SLC25A16: variants seen among roughly 807,000 people sequenced by gnomAD.
SLC25A16 encodes the protein solute carrier family 25 member 16, also known as mitochondrial coenzyme A transporter SLC25A16.
Under a neutral mutation model 41.5 loss-of-function variants are expected in SLC25A16, and 39 were observed. That is an observed-to-expected ratio of 0.94 (90% CI 0.73 to 1.23). The LOEUF is 1.23. Ranked by LOEUF, SLC25A16 falls within the 50% of genes most tolerant of loss-of-function variation. SLC25A16 has a pLI of 0.00. For synonymous variants in SLC25A16, 146 were observed against 147.8 expected (o/e 0.99, Z 0.09); for missense variants, 421 against 426.9 (o/e 0.99, Z 0.12).
intron 1 of SLC25A16, among the ~76,000 whole-genome samples, chr10:68,524,178 C>T (rs1040810036): frequency 1.3e-5 from 2 of 151,404 alleles, no homozygotes; most frequent in African/African-American, 4.9e-5. Flanking sequence ...GGCGTGGTGG[C>T]GGGCGCCTGT....
At position 68,527,364 on chromosome 10, in the gene SLC25A16, C is replaced by G; in HGVS notation, c.12G>C (p.Ala4=). The G allele has an allele frequency of 6.7e-7, 1 of 1,501,190 alleles. No homozygotes were observed. Among genetic ancestry groups the G allele is most frequent in the East Asian group, 2.6e-5 (1 of 38,684 alleles). The allele number at this position is 1,501,190 out of a possible 1,614,324, so 93.0% of individuals were successfully genotyped here. The part of the protein sequence containing the change: MAA[A]TAAAALAAAD... ...CCGCCGCCAGGGCTGCCGCGGCCGT[C>G]GCCGCCGCCATCAGGACCAGGGTCG... The change falls in exon 1 of 9, where the codon GCG becomes GCC. Residue 4 remains alanine, a synonymous_variant. Transcript: ENST00000609923.
chr10:68,508,439 C>T (rs1293539540), intron 2 of SLC25A16, among the ~76,000 whole-genome samples: 2 of 146,164 alleles, frequency 1.4e-5, no homozygotes, highest in Admixed American at 6.8e-5. Context: ...CTAGGCCAGG[C>T]GGGGTGGCTC....
chr10:68,515,337 AC>A (rs1232879738), intron 2 of SLC25A16, among the ~76,000 whole-genome samples: 1 of 137,648 alleles, frequency 7.3e-6, no homozygotes, highest in African/African-American at 2.7e-5. Context: ...AGCTTGGGCC[AC>A]AAGAGCAAAC....
In SLC25A16 at chr10:68,506,622, C is replaced by T. The variant is rs752095451; in HGVS notation, c.320G>A (p.Gly107Asp). ...CTCAAATGCCATAAACTGGATTGCACCATAGGGAAAGATTCGAATCATCAT... is the reference window on the plus strand; with the variant it reads ...CTCAAATGCCATAAACTGGATTGCATCATAGGGAAAGATTCGAATCATCAT... ...GAMMIRIFPY[G>D]AIQFMAFEHY... Residue 107 changes from glycine to aspartate, a missense_variant, in exon 3 of 9, where the codon GGT (glycine) becomes GAT (aspartate). Physicochemically the swap from Gly to Asp is moderately conservative, Grantham distance 94. Coordinates refer to ENST00000609923, the MANE Select transcript of SLC25A16 (RefSeq NM_152707.4). The T allele has an allele frequency of 6.2e-7, 1 of 1,604,750 alleles. No homozygotes were observed. Among genetic ancestry groups the T allele is most frequent in the Non-Finnish European group, 8.5e-7 (1 of 1,176,156 alleles).
chr10:68,509,463 T>A (rs1339063807), intron 2 of SLC25A16, among the ~76,000 whole-genome samples: 4 of 152,036 alleles, frequency 2.6e-5, no homozygotes, highest in Non-Finnish European at 4.4e-5. Context: ...GCCAATAATC[T>A]GAGCACTTTG....
chr10:68,512,972 G>C (rs1287222854), intron 2 of SLC25A16, among the ~76,000 whole-genome samples: 2 of 152,120 alleles, frequency 1.3e-5, no homozygotes, highest in Non-Finnish European at 2.9e-5. Context: ...CTGGGAGGCG[G>C]AGTTTGCAGC....
At chr10:68,509,315 C>A (rs1258161126) in intron 2 of SLC25A16, among the ~76,000 whole-genome samples, 1 of 150,032 alleles carries the variant, frequency 6.7e-6, no homozygotes, top group African/African-American at 2.5e-5. Flanking sequence ...CCAGCCTGGG[C>A]AACAAGAGTG....
intron 2 of SLC25A16, among the ~76,000 whole-genome samples, chr10:68,512,767 G>A (rs2053088943): frequency 6.6e-6 from 1 of 152,122 alleles, no homozygotes; most frequent in South Asian, 2.1e-4. Context: ...GCTGGAAGTG[G>A]TGGCTCATGC....
chr10:68,521,989 G>C (rs1046404529), intron 1 of SLC25A16, among the ~76,000 whole-genome samples: 1 of 151,794 alleles, frequency 6.6e-6, no homozygotes, highest in African/African-American at 2.4e-5. Flanking sequence ...AGTGAAACCC[G>C]TCTCTACTAA....
Position 68,483,515 on chromosome 10 carries a change from G to C in SLC25A16, c.916C>G (p.Leu306Val). ...IRKGLYRGLS[L>V]NYIRCIPSQA... ...GAGGGAATACAGCGAATGTAATTAAGAGATAAACCACGATAGAGTCCTTTT... is the reference window on the plus strand; with the variant it reads ...GAGGGAATACAGCGAATGTAATTAACAGATAAACCACGATAGAGTCCTTTT... Residue 306 changes from leucine to valine, a missense_variant, in exon 9 of 9, where the codon CTT (leucine) becomes GTT (valine). Transcript: ENST00000609923. 1 of 1,612,706 alleles carries C rather than the reference G, an allele frequency of 6.2e-7. No individual in the cohort carries two copies. The highest frequency in any genetic ancestry group is 8.5e-7 in the Non-Finnish European group (1 of 1,179,316).
At chr10:68,506,471 T>TTGGTTTTTA in intron 3 of SLC25A16, 114 bp downstream of exon 3, 1 of 736,194 alleles carries the variant, frequency 1.4e-6, no homozygotes, top group Non-Finnish European at 1.9e-6. Flanking sequence ...ACCAATAATT[T>TTGGTTTTTA]AACTTTTTAA....
chr10:68,512,276 C>T lies in SLC25A16; in HGVS notation c.223+4475G>A, dbSNP rs139803034. On this transcript the variant is annotated intron_variant, in intron 2 of 8. Coordinates refer to ENST00000609923, the MANE Select transcript of SLC25A16 (RefSeq NM_152707.4). The stretch of plus-strand genomic sequence containing the variant: ...ACCTTGTCTCTCCAAATATTTAAGA[C>T]ACCCTGTCACAAATAAATAAATAAA... Among the ~76,000 whole-genome samples the T allele has an allele frequency of 5.0e-3, 760 of 152,186 alleles. 7 individuals are homozygous for T. The highest frequency in any genetic ancestry group is 0.017 in the African/African-American group (705 of 41,540).
At chr10:68,516,641 T>A in intron 2 of SLC25A16, 110 bp downstream of exon 2, 1 of 670,958 alleles carries the variant, frequency 1.5e-6, no homozygotes, top group South Asian at 2.5e-5. Flanking sequence ...AAAAAGTTTT[T>A]AAAGAGGAAC....
intron 4 of SLC25A16, among the ~76,000 whole-genome samples, chr10:68,494,373 A>C (rs2133516763): frequency 7.1e-6 from 1 of 140,568 alleles, no homozygotes; most frequent in Admixed American, 7.3e-5. Context: ...GATGCAGGAG[A>C]ATCACTTGAA....
chr10:68,495,800 AAGAG>A (rs1491184989), intron 4 of SLC25A16, among the ~76,000 whole-genome samples: 3 of 150,706 alleles, frequency 2.0e-5, no homozygotes, highest in East Asian at 3.9e-4. Context: ...AAAAAAAAAA[AAGAG>A]AAAAGAGTAT....
At chr10:68,512,638 C>CAAAA (rs1163431016) in intron 2 of SLC25A16, among the ~76,000 whole-genome samples, 3 of 17,140 alleles carry the variant, frequency 1.8e-4, no homozygotes, top group Non-Finnish European at 3.2e-4. Context: ...GACTCCGTCT[C>CAAAA]AAAAAAAAAA....
intron 1 of SLC25A16, among the ~76,000 whole-genome samples, chr10:68,524,753 C>G (rs141734575): frequency 0.024 from 3,575 of 151,302 alleles, 151 homozygotes; most frequent in African/African-American, 0.082. Flanking sequence ...TGGTGCACGC[C>G]TGTAATCCCA....
intron 1 of SLC25A16, among the ~76,000 whole-genome samples, chr10:68,518,803 A>AATT (rs1564929108): frequency 4.1e-5 from 5 of 121,194 alleles, no homozygotes; most frequent in African/African-American, 1.6e-4. Flanking sequence ...ATAAATAAAT[A>AATT]AATAAATTAA....
chr10:68,492,748 C>A (rs1390671209), intron 6 of SLC25A16, among the ~76,000 whole-genome samples: 3 of 152,058 alleles, frequency 2.0e-5, no homozygotes, highest in Non-Finnish European at 4.4e-5. Context: ...TATAGGTATC[C>A]TTATTTTTCT....
Sources: gnomAD v4.1 joint callset for allele counts (sites outside exome capture counted in the v4.1 genomes callset) on GRCh38, gnomAD v4.1.1 for gene constraint, MANE v1.5 for transcripts, NCBI Gene and HGNC (gene_info 2026-07-23, HGNC 2026-07-21) for gene names.